WDFY3: variants seen among roughly 807,000 people sequenced by gnomAD.
WDFY3 encodes the protein WD repeat and FYVE domain-containing protein 3.
A neutral mutation model predicts 409.6 loss-of-function variants in WDFY3; 66 were observed. That is an observed-to-expected ratio of 0.16 (90% CI 0.13 to 0.20). The LOEUF (loss-of-function observed/expected upper bound fraction) is 0.20, where lower values mean the gene tolerates loss of function less well. Ranked by LOEUF, WDFY3 falls within the 10% of genes least tolerant of loss-of-function variation. The pLI, the probability that WDFY3 is intolerant of heterozygous loss-of-function variation, is 1.00. For missense variants in WDFY3, 3,031 were observed against 4,298.1 expected, an observed-to-expected ratio of 0.71 and a Z score of 8.24; for synonymous variants, 1,521 against 1,537.1, an observed-to-expected ratio of 0.99 and a Z score of 0.25.
chr4:84,831,710 T>C (rs937955053), intron 7 of WDFY3, 105 bp from the exon 8 acceptor site: 10 of 997,156 alleles, frequency 1.0e-5, no homozygotes, highest in Admixed American at 6.2e-5. Flanking sequence ...AAAGAAGACA[T>C]AGAAATGGCC....
intron 27 of WDFY3, among the ~76,000 whole-genome samples, chr4:84,776,992 A>G (rs1317792212): frequency 1.3e-5 from 2 of 152,118 alleles, no homozygotes; most frequent in Non-Finnish European, 1.5e-5. Context: ...ATAGCAGTAG[A>G]AGCAGAAAAG....
intron 2 of WDFY3, among the ~76,000 whole-genome samples, chr4:84,906,498 A>T (rs1767058446): frequency 6.6e-6 from 1 of 152,194 alleles, no homozygotes; most frequent in Non-Finnish European, 1.5e-5. Context: ...TAATATTTTA[A>T]TAAAAGCATA....
intron 2 of WDFY3, among the ~76,000 whole-genome samples, chr4:84,923,219 T>C (rs1296378866): frequency 6.6e-6 from 1 of 152,146 alleles, no homozygotes; most frequent in Non-Finnish European, 1.5e-5. Flanking sequence ...AAGTAGGAGA[T>C]GAAATTCCCA....
chr4:84,827,103 G>T, intron 9 of WDFY3, 122 bp from the exon 10 acceptor site: 2 of 970,664 alleles, frequency 2.1e-6, no homozygotes, highest in Non-Finnish European at 2.9e-6. Flanking sequence ...GGGAAGTACT[G>T]AAAGAACACT....
At position 84,755,945 on chromosome 4, in the gene WDFY3, A is replaced by C. The variant is rs1741363059; in HGVS notation, c.5425-545T>G. Among the ~76,000 whole-genome samples the C allele has an allele frequency of 2.0e-5, 3 of 152,194 alleles. No individual in the cohort carries two copies. The South Asian group carries it at 6.2e-4, about 31-fold the overall frequency. On this transcript the variant is annotated intron_variant, in intron 33 of 67. Transcript: ENST00000295888. ...TGTGCTAGGCATGAATCTGTATCTT[A>C]ATTTAATCTAAGGGCACAGACTCAA...
chr4:84,786,470 T>A (rs956924022), intron 23 of WDFY3, among the ~76,000 whole-genome samples: 1 of 152,154 alleles, frequency 6.6e-6, no homozygotes, highest in African/African-American at 2.4e-5. Flanking sequence ...GGAATGAAGA[T>A]GAATAAAATG....
intron 3 of WDFY3, among the ~76,000 whole-genome samples, chr4:84,893,849 A>G (rs1203502393): frequency 6.6e-6 from 1 of 151,990 alleles, no homozygotes; most frequent in East Asian, 1.9e-4. Flanking sequence ...AATTAGCCAG[A>G]TGTGGTGGCC....
chr4:84,778,263 A>G (rs1450977534), intron 27 of WDFY3, among the ~76,000 whole-genome samples: 1 of 152,156 alleles, frequency 6.6e-6, no homozygotes, highest in Non-Finnish European at 1.5e-5. Flanking sequence ...GCAGCAAATC[A>G]GCTAGTTAGG....
intron 3 of WDFY3, among the ~76,000 whole-genome samples, chr4:84,868,048 A>G (rs1761646586): frequency 2.0e-5 from 3 of 151,794 alleles, no homozygotes. Flanking sequence ...ATGCGCCTGT[A>G]GTCCCAGCTA....
intron 23 of WDFY3, among the ~76,000 whole-genome samples, chr4:84,787,000 T>C (rs1437923373): frequency 1.3e-5 from 2 of 152,186 alleles, no homozygotes; most frequent in African/African-American, 4.8e-5. Flanking sequence ...TTAACATCAG[T>C]TCCTCTGAGT....
intron 5 of WDFY3, chr4:84,844,306 T>C (rs1332574454): frequency 1.1e-5 from 4 of 378,004 alleles, no homozygotes; most frequent in African/African-American, 2.1e-5. Flanking sequence ...ATTATACTTA[T>C]TTAATTAATG....
chr4:84,844,189 A>C (rs1757763997), intron 5 of WDFY3, among the ~76,000 whole-genome samples: 1 of 152,202 alleles, frequency 6.6e-6, no homozygotes, highest in African/African-American at 2.4e-5. Context: ...AGAATGCAAA[A>C]CATGTTAATA....
At chr4:84,780,441 A>G (rs1746291963) in intron 25 of WDFY3, 143 bp from the exon 26 acceptor site, 1 of 965,398 alleles carries the variant, frequency 1.0e-6, no homozygotes, top group Admixed American at 3.2e-5. Flanking sequence ...TAGGGAAAGC[A>G]TTAAAGGTAG....
intron 21 of WDFY3, 117 bp from the exon 22 acceptor site, chr4:84,790,024 G>T (rs1748227451): frequency 9.0e-7 from 1 of 1,107,830 alleles, no homozygotes. Flanking sequence ...GATGCAGACT[G>T]ATTTGAGTAA....
chr4:84,820,388 C>T (rs1371876894), intron 11 of WDFY3, among the ~76,000 whole-genome samples: 8 of 151,970 alleles, frequency 5.3e-5, no homozygotes, highest in East Asian at 1.9e-4. Context: ...GATTTTATTT[C>T]GGTATGCTTG....
intron 3 of WDFY3, among the ~76,000 whole-genome samples, chr4:84,864,365 C>CAAAAAAAAAAAAAA (rs35016773): frequency 9.2e-5 from 3 of 32,572 alleles, no homozygotes; most frequent in Non-Finnish European, 2.0e-4. Flanking sequence ...GACTCCATCT[C>CAAAAAAAAAAAAAA]AAAAAAAAAA....
At chr4:84,831,056 G>A (rs1337731257) in intron 8 of WDFY3, among the ~76,000 whole-genome samples, 1 of 151,848 alleles carries the variant, frequency 6.6e-6, no homozygotes, top group African/African-American at 2.4e-5. Flanking sequence ...GTATGGTGGT[G>A]TGCACCTGTA....
At chr4:84,773,601 C>A (rs1283605395) in intron 29 of WDFY3, among the ~76,000 whole-genome samples, 1 of 152,180 alleles carries the variant, frequency 6.6e-6, no homozygotes, top group African/African-American at 2.4e-5. Context: ...GGAATAATTT[C>A]AGCAAAGTGA....
intron 4 of WDFY3, among the ~76,000 whole-genome samples, chr4:84,851,896 G>A: frequency 6.9e-6 from 1 of 144,574 alleles, no homozygotes; most frequent in Non-Finnish European, 1.5e-5. Flanking sequence ...AATAAATTAG[G>A]CACAGTAAGA....
Sources: allele counts gnomAD v4.1 joint callset (sites outside exome capture counted in the v4.1 genomes callset), GRCh38; gene constraint gnomAD v4.1.1; transcripts MANE v1.5; gene names NCBI Gene and HGNC (gene_info 2026-07-23, HGNC 2026-07-21).